Variants in A1CF observed in about 807,000 individuals in gnomAD.
A1CF encodes APOBEC-1 stimulating protein.
Under a neutral mutation model 68.9 loss-of-function variants are expected in A1CF, and 48 were observed. The observed-to-expected ratio is 0.70, with a 90% CI of 0.55 to 0.89. A1CF has a LOEUF of 0.89. A1CF is among the 40% of genes least tolerant of loss of function. The pLI, the probability that A1CF is intolerant of heterozygous loss-of-function variation, is 0.00. For synonymous variants in A1CF, 272 were observed against 260.4 expected, an observed-to-expected ratio of 1.04 and a Z score of -0.43; for missense variants, 653 against 718.9, an observed-to-expected ratio of 0.91 and a Z score of 1.05.
At chr10:50,850,678 G>A in intron 3 of A1CF, 1 of 1,613,976 alleles carries the variant, frequency 6.2e-7, no homozygotes, top group South Asian at 1.1e-5. Flanking sequence ...TTCCAGCAAA[G>A]TTTGCAAAAT....
At chr10:50,837,739 T>A (rs566413177) in intron 5 of A1CF, among the ~76,000 whole-genome samples, 1 of 152,312 alleles carries the variant, frequency 6.6e-6, no homozygotes, top group East Asian at 1.9e-4. Flanking sequence ...TGGACAGTAC[T>A]GCTCCTGATT....
At chr10:50,849,046 A>G (rs1162618862) in intron 3 of A1CF, among the ~76,000 whole-genome samples, 1 of 152,098 alleles carries the variant, frequency 6.6e-6, no homozygotes, top group African/African-American at 2.4e-5. Context: ...CATTATTTCT[A>G]TTGTATTCCA....
At chr10:50,809,829 G>A in intron 12 of A1CF, 65 bp downstream of exon 12, 3 of 1,593,784 alleles carry the variant, frequency 1.9e-6, no homozygotes, top group Non-Finnish European at 2.6e-6. Flanking sequence ...TGATTCAATG[G>A]TACCAAAAAA....
intron 8 of A1CF, 152 bp from the exon 9 acceptor site, chr10:50,816,431 G>T: frequency 2.2e-6 from 2 of 924,194 alleles, no homozygotes; most frequent in Non-Finnish European, 3.1e-6. Context: ...TGTTTTGTAT[G>T]CCAGTTGAAC....
intron 4 of A1CF, 128 bp from the exon 5 acceptor site, chr10:50,842,120 C>T: frequency 2.5e-6 from 2 of 805,604 alleles, no homozygotes; most frequent in Non-Finnish European, 3.8e-6. Context: ...CCTGCCAGTA[C>T]TATTTGGCAT....
At position 50,809,942 on chromosome 10, in the gene A1CF, C is replaced by T. The variant is rs749860025; in HGVS notation, c.1561G>A (p.Gly521Ser). 2 of 1,614,058 alleles carry T rather than the reference C, an allele frequency of 1.2e-6. No individual in the cohort carries two copies. The highest frequency in any genetic ancestry group is 1.1e-5 in the South Asian group (1 of 91,086). The change falls in exon 12 of 13, where the codon GGC becomes AGC. Residue 521 changes from glycine (G) to serine (S), a missense_variant. Gly to Ser is a moderately conservative substitution (Grantham distance 56, BLOSUM62 0). Coordinates refer to ENST00000373997, the MANE Select transcript of A1CF (RefSeq NM_014576.4). Reference protein sequence around the residue: ...LQTLGIPTDGGDGTMATAAAA... With the variant: ...LQTLGIPTDGSDGTMATAAAA... ...GCAGCAGTAGCCATGGTGCCATCGC[C>T]TCCATCAGTGGGGATGCCCAGGGTC...
At chr10:50,860,828 G>A (rs774068950) in intron 2 of A1CF, among the ~76,000 whole-genome samples, 2 of 152,070 alleles carry the variant, frequency 1.3e-5, no homozygotes, top group African/African-American at 4.8e-5. Flanking sequence ...CATTTTGAAG[G>A]TTCTAGGCTG....
chr10:50,836,268 C>A lies in A1CF; in HGVS notation c.410G>T (p.Arg137Leu). 6.2e-7 allele frequency: 1 copy of A among 1,613,940 alleles called. No individual in the cohort carries two copies. Residue 137 changes from arginine (R) to leucine (L), a missense_variant, in exon 6 of 13, where the codon CGA becomes CTA. By Grantham distance (102) the Arg-to-Leu change is moderately radical. Transcript: ENST00000373997. Reference protein sequence around the residue: ...LGVCASVDNCRLFVGGIPKTK... With the variant: ...LGVCASVDNCLLFVGGIPKTK... ...TTTTGGGATGCCCCCAACAAATAATCGGCAGTTGTCCACACTGGCACAAAC... is the reference window on the plus strand; with the variant it reads ...TTTTGGGATGCCCCCAACAAATAATAGGCAGTTGTCCACACTGGCACAAAC...
At chr10:50,882,605 T>C (rs887195471) in intron 1 of A1CF, among the ~76,000 whole-genome samples, 1 of 152,086 alleles carries the variant, frequency 6.6e-6, no homozygotes, top group Non-Finnish European at 1.5e-5. Context: ...AGATTTCTAA[T>C]ACAGAATGTC....
intron 10 of A1CF, among the ~76,000 whole-genome samples, chr10:50,813,634 G>A (rs1838226252): frequency 6.6e-6 from 1 of 152,110 alleles, no homozygotes; most frequent in African/African-American, 2.4e-5. Context: ...TGTTCAAGGT[G>A]TTAGACTTTA....
At chr10:50,875,661 C>T (rs572446561) in intron 1 of A1CF, among the ~76,000 whole-genome samples, 4 of 152,242 alleles carry the variant, frequency 2.6e-5, no homozygotes, top group African/African-American at 9.6e-5. Flanking sequence ...CATATGTATC[C>T]TTACCTGTTG....
At chr10:50,877,846 G>C (rs759192269) in intron 1 of A1CF, among the ~76,000 whole-genome samples, 156 of 152,340 alleles carry the variant, frequency 1.0e-3, no homozygotes, top group Non-Finnish European at 1.7e-3. Context: ...AAGAGGGCCG[G>C]GCGCCGTGGC....
chr10:50,883,597 A>G (rs1788587061), intron 1 of A1CF, among the ~76,000 whole-genome samples: 3 of 152,348 alleles, frequency 2.0e-5, no homozygotes. Context: ...GACATGGGCT[A>G]TAAAAGCGAT....
chr10:50,848,266 A>G (rs2132478356), intron 3 of A1CF, among the ~76,000 whole-genome samples: 1 of 152,302 alleles, frequency 6.6e-6, no homozygotes. Flanking sequence ...TACTAACTTT[A>G]TAGATGAGGA....
chr10:50,879,400 G>T (rs147072145), intron 1 of A1CF, among the ~76,000 whole-genome samples: 2 of 152,230 alleles, frequency 1.3e-5, no homozygotes, highest in East Asian at 1.9e-4. Flanking sequence ...TGCCTCCATG[G>T]TTTATCCTGT....
intron 3 of A1CF, among the ~76,000 whole-genome samples, chr10:50,845,953 C>CA (rs151246598): frequency 0.41 from 46,617 of 112,836 alleles, 8,588 homozygotes; most frequent in Middle Eastern, 0.53. Context: ...GACTCTGTCT[C>CA]AAAAAAAAAA....
At position 50,844,054 on chromosome 10, in the gene A1CF, A is replaced by C. The variant is rs1314955091; in HGVS notation, c.168T>G (p.Cys56Trp). ...GGGGAAGTTTTCCAATAAAAATTTCACAGCCCCTTTCAGGGGGTGCAGCAT... is the reference window on the plus strand; with the variant it reads ...GGGGAAGTTTTCCAATAAAAATTTCCCAGCCCCTTTCAGGGGGTGCAGCAT... ...GWDAAPPERGCEIFIGKLPRD... is the reference protein window; with the variant it reads ...GWDAAPPERGWEIFIGKLPRD... The change falls in exon 4 of 13, where the codon TGT becomes TGG. Residue 56 changes from cysteine (C) to tryptophan (W), a missense_variant. Transcript: ENST00000373997. 6.2e-7 allele frequency: 1 copy of C among 1,613,952 alleles called. No homozygotes were observed. The highest frequency in any genetic ancestry group is 8.5e-7 in the Non-Finnish European group (1 of 1,179,896).
intron 1 of A1CF, among the ~76,000 whole-genome samples, chr10:50,877,891 G>A (rs1288169767): frequency 6.6e-6 from 1 of 152,216 alleles, no homozygotes; most frequent in Non-Finnish European, 1.5e-5. Flanking sequence ...GGGAGGCTGA[G>A]GCAGGAGGAT....
In A1CF at chr10:50,809,878, C is replaced by A; in HGVS notation, c.1609+16G>T. The A allele has an allele frequency of 3.7e-6, 6 of 1,613,484 alleles. No individual in the cohort carries two copies. Among genetic ancestry groups the A allele is most frequent in the Non-Finnish European group, 4.2e-6 (5 of 1,179,700 alleles). ...ACTCTCTGCAGGGCGCCATTTCTGG[C>A]ACAATTTTCCCATACCTGGGAAAGC... On this transcript the variant is annotated intron_variant, in intron 12 of 12. Transcript: ENST00000373997.
Sources: allele counts gnomAD v4.1 joint callset (sites outside exome capture counted in the v4.1 genomes callset), GRCh38; gene constraint gnomAD v4.1.1; transcripts MANE v1.5; gene names NCBI Gene and HGNC (gene_info 2026-07-23, HGNC 2026-07-21).